Variants in WDR36 observed in about 807,000 individuals in gnomAD.
WDR36 encodes WD repeat-containing protein 36.
In WDR36, 63 loss-of-function variants were observed where a neutral mutation model predicts 112.7. The observed-to-expected ratio is 0.56, with a 90% CI of 0.46 to 0.69. WDR36 has a LOEUF of 0.69. Ranked by LOEUF, WDR36 falls within the 30% of genes least tolerant of loss-of-function variation. WDR36 has a pLI of 0.00. For missense variants in WDR36, 1,226 were observed against 1,070.3 expected (o/e 1.15, Z -2.03); for synonymous variants, 410 against 362.2 (o/e 1.13, Z -1.50).
chr5:111,124,015 T>G lies in WDR36; in HGVS notation c.2268+91T>G, dbSNP rs759830382. 5.6e-6 allele frequency: 9 copies of G among 1,600,356 alleles called. No individual in the cohort carries two copies. In the African/African-American group the frequency reaches 1.1e-4, roughly 19 times the overall value. ...TTACCAAGACCTAGTTTTACAGATA[T>G]AGGGTAAATTAATGATAGCTTTTAA... On this transcript the variant is annotated intron_variant, in intron 20 of 22. Coordinates refer to ENST00000513710, the MANE Select transcript of WDR36 (RefSeq NM_139281.3).
chr5:111,104,764 C>T lies in WDR36; in HGVS notation c.974C>T (p.Pro325Leu), dbSNP rs149218427. The change falls in exon 9 of 23, where the codon CCT becomes CTT. Residue 325 changes from proline (P) to leucine (L), a missense_variant. By Grantham distance (98) the Pro-to-Leu change is moderately conservative. Coordinates refer to ENST00000513710, the MANE Select transcript of WDR36 (RefSeq NM_139281.3). Reference protein sequence around the residue: ...LLRFRMGHSAPLTNIRYYGQN... With the variant: ...LLRFRMGHSALLTNIRYYGQN... Reference sequence around the variant, plus strand: ...AGATTCAGAATGGGTCATAGTGCTCCTCTTACCAATATCAGATATTATGGA... The same window carrying T: ...AGATTCAGAATGGGTCATAGTGCTCTTCTTACCAATATCAGATATTATGGA... 7.0e-5 allele frequency: 113 copies of T among 1,611,272 alleles called. No individual in the cohort carries two copies. Among genetic ancestry groups the T allele is most frequent in the Non-Finnish European group, 8.7e-5 (102 of 1,177,978 alleles).
chr5:111,126,114 C>G (rs1427068353), intron 22 of WDR36, among the ~76,000 whole-genome samples: 2 of 151,802 alleles, frequency 1.3e-5, no homozygotes, highest in African/African-American at 4.8e-5. Flanking sequence ...TTGACTTTAC[C>G]CCCTGACATT....
chr5:111,112,560 T>C (rs867303940), intron 15 of WDR36, among the ~76,000 whole-genome samples: 2 of 152,184 alleles, frequency 1.3e-5, no homozygotes, highest in South Asian at 4.1e-4. Context: ...CCTTAGGTAC[T>C]ACAGGCAGAG....
At chr5:111,099,214 T>C (rs1234390557) in intron 4 of WDR36, among the ~76,000 whole-genome samples, 3 of 152,112 alleles carry the variant, frequency 2.0e-5, no homozygotes, top group Non-Finnish European at 4.4e-5. Flanking sequence ...AACTTGATCT[T>C]GTAATCTGAA....
intron 1 of WDR36, among the ~76,000 whole-genome samples, chr5:111,092,962 G>GA (rs1486420307): frequency 1.3e-5 from 2 of 152,226 alleles, no homozygotes; most frequent in Non-Finnish European, 2.9e-5. Context: ...TAATGAGAGA[G>GA]AAAAACATGC....
chr5:111,096,236 A>G (rs1054559979), intron 2 of WDR36, among the ~76,000 whole-genome samples: 23 of 152,186 alleles, frequency 1.5e-4, no homozygotes, highest in Non-Finnish European at 2.5e-4. Context: ...TGATAGGCAT[A>G]TTTCCCTTGG....
In WDR36 at chr5:111,127,007, C is replaced by G; in HGVS notation, c.*124C>G. ...TAGCACTACTGACTAGTCAGTATAT[C>G]TCCACTTTAAATGCTAAATACTTTC... On this transcript the variant is annotated 3_prime_UTR_variant, in exon 23 of 23. Transcript: ENST00000513710. The G allele has an allele frequency of 2.2e-6, 2 of 918,918 alleles. No individual in the cohort carries two copies. Among genetic ancestry groups the G allele is most frequent in the Non-Finnish European group, 1.6e-6 (1 of 626,102 alleles). The allele number at this position is 918,918 out of a possible 1,614,324, so 56.9% of individuals were successfully genotyped here.
chr5:111,111,761 T>C (rs1407232349), intron 15 of WDR36, among the ~76,000 whole-genome samples: 1 of 151,884 alleles, frequency 6.6e-6, no homozygotes, highest in East Asian at 1.9e-4. Flanking sequence ...TTTACTATTA[T>C]GTTCTTATAA....
rs940759954 is a variant in WDR36, at chr5:111,121,282, C to G, written c.2148+141C>G. 4.7e-6 allele frequency: 4 copies of G among 855,414 alleles called. No homozygotes were observed. The African/African-American group carries it at 6.8e-5, about 15-fold the overall frequency. The allele number at this position is 855,414 out of a possible 1,614,324, so 53.0% of individuals were successfully genotyped here. On this transcript the variant is annotated intron_variant, in intron 19 of 22. Coordinates refer to ENST00000513710, the MANE Select transcript of WDR36 (RefSeq NM_139281.3). Reference sequence around the variant, plus strand: ...GACAGCACTGACAATGCTATTTAATCAAATATTGTTTAATATGGTATGATT... The same window carrying G: ...GACAGCACTGACAATGCTATTTAATGAAATATTGTTTAATATGGTATGATT...
At position 111,095,105 on chromosome 5, in the gene WDR36, T is replaced by G. The variant is rs1459970008; in HGVS notation, c.190+158T>G. 33 of 679,724 alleles carry G rather than the reference T, an allele frequency of 4.9e-5. No individual in the cohort carries two copies. In the Middle Eastern group the frequency reaches 8.1e-4, roughly 17 times the overall value. The allele number at this position is 679,724 out of a possible 1,614,324, so 42.1% of individuals were successfully genotyped here. A position where few individuals can be genotyped will look rare whatever the true frequency, so the allele number is the denominator to read the frequency against. The stretch of plus-strand genomic sequence containing the variant: ...CAAAAAAGGGTGCCAGGATAAATCA[T>G]GTTTTGCTTTTAGTTGTTATGTATC... On this transcript the variant is annotated intron_variant, in intron 2 of 22. Transcript: ENST00000513710.
chr5:111,121,255 A>T (rs1753560908), intron 19 of WDR36, 114 bp downstream of exon 19: 2 of 1,074,322 alleles, frequency 1.9e-6, no homozygotes, highest in African/African-American at 3.1e-5. Flanking sequence ...ATTAATATGT[A>T]AGACAGCACT....
chr5:111,111,352 T>A, intron 15 of WDR36, 74 bp downstream of exon 15: 2 of 1,149,260 alleles, frequency 1.7e-6, no homozygotes, highest in Non-Finnish European at 2.6e-6. Flanking sequence ...TTAATAGCCT[T>A]AAAATCATTA....
At position 111,120,472 on chromosome 5, in the gene WDR36, ATTGC is replaced by A; in HGVS notation, c.1905-21_1905-18del. ...AGAAACTTTTTATAATTTTTAAAAT[ATTGC>A]TTATGTTTTGATTTTTCAGGTCCAA... On this transcript the variant is annotated intron_variant, in intron 17 of 22. Coordinates refer to ENST00000513710, the MANE Select transcript of WDR36 (RefSeq NM_139281.3). 1 of 1,561,908 alleles carries A rather than the reference ATTGC, an allele frequency of 6.4e-7. No homozygotes were observed. Among genetic ancestry groups the A allele is most frequent in the Non-Finnish European group, 8.8e-7 (1 of 1,134,156 alleles).
rs1454797438 is a variant in WDR36 at position 111,130,418 on chromosome 5, T to G, written c.*3535T>G. ...TTCTCTTCAAGAACAATGAATGTCT[T>G]CATTAAATCATCTTTTGTGGGAGAG... On this transcript the variant is annotated 3_prime_UTR_variant, in exon 23 of 23. Transcript: ENST00000513710. 5.6e-6 allele frequency: 1 copy of G among 180,044 alleles called. No homozygotes were observed. Among genetic ancestry groups the G allele is most frequent in the Non-Finnish European group, 1.2e-5 (1 of 83,886 alleles). The allele number at this position is 180,044 out of a possible 1,614,324, so 11.2% of individuals were successfully genotyped here. A position where few individuals can be genotyped will look rare whatever the true frequency, so the allele number is the denominator to read the frequency against.
intron 5 of WDR36, 28 bp downstream of exon 5, chr5:111,100,749 A>C: frequency 6.3e-7 from 1 of 1,599,968 alleles, no homozygotes; most frequent in Non-Finnish European, 8.5e-7. Flanking sequence ...AAAATAATAT[A>C]GCTGTCACCT....
At chr5:111,095,452 T>C (rs997300907) in intron 2 of WDR36, among the ~76,000 whole-genome samples, 1 of 152,226 alleles carries the variant, frequency 6.6e-6, no homozygotes, top group Non-Finnish European at 1.5e-5. Context: ...ATCTTAGTAC[T>C]CTTCAAAGTT....
chr5:111,094,349 T>C (rs1417766410), intron 1 of WDR36, among the ~76,000 whole-genome samples: 1 of 152,200 alleles, frequency 6.6e-6, no homozygotes, highest in Non-Finnish European at 1.5e-5. Flanking sequence ...GGAGCTTATT[T>C]TTCCAGGGTC....
chr5:111,098,745 T>C lies in WDR36; in HGVS notation c.315T>C (p.His105=). The change falls in exon 4 of 23, where the codon CAT becomes CAC. Residue 105 remains histidine, a synonymous_variant. Transcript: ENST00000513710. ...AGATAGTACATACCTTTAAGGGTCATAAGGCAGAAATCCATTTCTTGCAAC... is the reference window on the plus strand; with the variant it reads ...AGATAGTACATACCTTTAAGGGTCACAAGGCAGAAATCCATTTCTTGCAAC... The part of the protein sequence containing the change: ...NKEIVHTFKG[H]KAEIHFLQPF... 2 of 1,610,040 alleles carry C rather than the reference T, an allele frequency of 1.2e-6. No homozygotes were observed. Among genetic ancestry groups the C allele is most frequent in the Non-Finnish European group, 1.7e-6 (2 of 1,176,528 alleles).
Position 111,107,335 on chromosome 5 carries a change from CATCA to C in WDR36, c.1224_1227del (p.His408GlnfsTer16). 1 of 1,610,466 alleles carries C rather than the reference CATCA, an allele frequency of 6.2e-7. No homozygotes were observed. Among genetic ancestry groups the C allele is most frequent in the Non-Finnish European group, 8.5e-7 (1 of 1,177,670 alleles). On this transcript the variant is annotated frameshift_variant, in exon 12 of 23. Coordinates refer to ENST00000513710, the MANE Select transcript of WDR36 (RefSeq NM_139281.3). LOFTEE classifies it high-confidence loss of function. ...TGACTGGGATGGTATCATTGCTTGC[CATCA>C]AGGTAAGCTATCTTGCTCAACCTGG...
Sources: allele counts gnomAD v4.1 joint callset (sites outside exome capture counted in the v4.1 genomes callset), GRCh38; gene constraint gnomAD v4.1.1; transcripts MANE v1.5; gene names NCBI Gene and HGNC (gene_info 2026-07-23, HGNC 2026-07-21).